The following NXN variants were observed in gnomAD, a reference collection of about 807,000 sequenced individuals.
NXN encodes nucleoredoxin 1.
A neutral mutation model predicts 48.6 loss-of-function variants in NXN; 16 were observed. That is an observed-to-expected ratio of 0.33 (90% CI 0.22 to 0.50). The LOEUF is 0.50. Ranked by LOEUF, NXN falls within the 20% of genes least tolerant of loss-of-function variation. The probability of loss-of-function intolerance (pLI) is 0.98; values close to 1 mark genes in which losing one functional copy is unlikely to be tolerated. For missense variants in NXN, 492 were observed against 605.5 expected, an observed-to-expected ratio of 0.81 and a Z score of 1.97; for synonymous variants, 281 against 269.6, an observed-to-expected ratio of 1.04 and a Z score of -0.41.
At position 958,100 on chromosome 17, in the gene NXN, C is replaced by T. The variant is rs1055492489; in HGVS notation, c.360+21219G>A. On this transcript the variant is annotated intron_variant, in intron 1 of 7. Coordinates refer to ENST00000336868, the MANE Select transcript of NXN (RefSeq NM_022463.5). This position sits in a 1 kb window ranked among gnomAD's most constrained non-coding sequence, Gnocchi z 6.9. ...GAACCCTCTCCGTCTCAACTTTCCC[C>T]TTCCTTCCCACACGGCTATTTATAT... is the stretch of plus-strand genomic sequence containing the variant. 6.6e-6 allele frequency among the ~76,000 whole-genome samples: 1 copy of T among 152,190 alleles called. No individual in the cohort carries two copies. Among genetic ancestry groups the T allele is most frequent in the Non-Finnish European group, 1.5e-5 (1 of 68,036 alleles).
At chr17:888,009 C>T (rs1350152325) in intron 1 of NXN, among the ~76,000 whole-genome samples, 1 of 152,090 alleles carries the variant, frequency 6.6e-6, no homozygotes, top group Non-Finnish European at 1.5e-5. Flanking sequence ...AACTGCCACA[C>T]GGGTCACGGT....
chr17:819,288 T>C, intron 5 of NXN, 151 bp downstream of exon 5: 1 of 696,808 alleles, frequency 1.4e-6, no homozygotes, highest in South Asian at 1.6e-5. Context: ...ATTCACACCA[T>C]GAAAATTCTA....
intron 1 of NXN, among the ~76,000 whole-genome samples, chr17:841,722 A>ACCACAGCGCAT (rs1914333027): frequency 6.6e-6 from 1 of 151,244 alleles, no homozygotes; most frequent in African/African-American, 2.5e-5. Context: ...GTCCACCCTG[A>ACCACAGCGCAT]CAAAGGAAAG....
intron 1 of NXN, among the ~76,000 whole-genome samples, chr17:834,856 A>G (rs1247368566): frequency 6.7e-6 from 1 of 149,700 alleles, no homozygotes; most frequent in Non-Finnish European, 1.5e-5. Context: ...GGGTTTCACC[A>G]TGTTGGCTGG....
At chr17:895,792 T>C in intron 1 of NXN, among the ~76,000 whole-genome samples, 1 of 3,062 alleles carries the variant, frequency 3.3e-4, no homozygotes, top group Non-Finnish European at 6.9e-4. Context: ...CACTCCAGCC[T>C]GGGTTTTGTT....
At chr17:968,618 T>A (rs566825189) in intron 1 of NXN, among the ~76,000 whole-genome samples, 1 of 152,000 alleles carries the variant, frequency 6.6e-6, no homozygotes, top group Non-Finnish European at 1.5e-5. Flanking sequence ...AATCAACAAC[T>A]GACAGACAAT....
intron 1 of NXN, among the ~76,000 whole-genome samples, chr17:862,636 C>T (rs560703215): frequency 6.6e-6 from 1 of 152,342 alleles, no homozygotes; most frequent in African/African-American, 2.4e-5. Context: ...AAGTATCACA[C>T]CACTTACTGC....
intron 1 of NXN, among the ~76,000 whole-genome samples, chr17:853,817 G>A (rs968996707): frequency 1.4e-4 from 21 of 149,458 alleles, no homozygotes; most frequent in African/African-American, 4.2e-4. Flanking sequence ...CTGCCTCCCC[G>A]GGTTCAAGTG....
rs560497457 is a variant in NXN, at chr17:969,522, C to T, written c.360+9797G>A. Among the ~76,000 whole-genome samples, 7 of 152,332 alleles carry T rather than the reference C, an allele frequency of 4.6e-5. No individual in the cohort carries two copies. The South Asian group carries it at 1.0e-3, about 23-fold the overall frequency. On this transcript the variant is annotated intron_variant, in intron 1 of 7. Transcript: ENST00000336868. ...AACGCTGCACTCACAGCTACATTCA[C>T]GCCTATTCGGGGCTCCGGCGGTCAC...
At chr17:946,671 C>G (rs773820274) in intron 1 of NXN, among the ~76,000 whole-genome samples, 4 of 152,220 alleles carry the variant, frequency 2.6e-5, no homozygotes, top group Non-Finnish European at 4.4e-5. Flanking sequence ...AGCCTCGGCG[C>G]CTCACAGGGA....
At chr17:864,104 G>A (rs1340393837) in intron 1 of NXN, 4 of 1,249,652 alleles carry the variant, frequency 3.2e-6, no homozygotes, top group South Asian at 3.3e-5. Context: ...CGGTGAAGGG[G>A]CACGTTTACC....
chr17:933,592 T>C (rs559565084), intron 1 of NXN, among the ~76,000 whole-genome samples: 2 of 151,854 alleles, frequency 1.3e-5, no homozygotes, highest in South Asian at 4.2e-4. Context: ...GCAAATTCCA[T>C]CCCTCTCAAC....
At position 823,648 on chromosome 17, in the gene NXN, T is replaced by C. The variant is rs764441690; in HGVS notation, c.596A>G (p.Tyr199Cys). ...SSLEGSHVGV[Y>C]FSAHWCPPCR... Reference sequence around the variant, plus strand: ...AACACTCACCCAATGTGCGGAGAAATAGACGCCCACGTGAGACCCCTCCAG... The same window carrying C: ...AACACTCACCCAATGTGCGGAGAAACAGACGCCCACGTGAGACCCCTCCAG... Residue 199 changes from tyrosine (Y) to cysteine (C), a missense_variant, in exon 3 of 8, where the codon TAT (tyrosine) becomes TGT (cysteine). Tyr to Cys is a radical substitution (Grantham distance 194). This residue lies in a region of NXN where 303 missense variants were observed against 388.3 expected (regional missense o/e 0.78). Transcript: ENST00000336868. The C allele has an allele frequency of 8.7e-6, 14 of 1,613,816 alleles. No individual in the cohort carries two copies. Among genetic ancestry groups the C allele is most frequent in the Admixed American group, 3.3e-5 (2 of 59,966 alleles).
Position 979,413 on chromosome 17 carries a change from A to G in NXN, c.266T>C (p.Val89Ala). 1 of 1,397,888 alleles carries G rather than the reference A, an allele frequency of 7.2e-7. No homozygotes were observed. Among genetic ancestry groups the G allele is most frequent in the Non-Finnish European group, 9.4e-7 (1 of 1,061,856 alleles). 86.6% of individuals were successfully genotyped at this position (1,397,888 alleles called of 1,614,324 possible). Residue 89 changes from valine to alanine, a missense_variant, in exon 1 of 8, where the codon GTC becomes GCC. This residue lies in a region of NXN where 186 missense variants were observed against 199.1 expected (regional missense o/e 0.93). Transcript: ENST00000336868. ...CTGGTCCTGGTCCGAGGACACGAAG[A>G]CGATCTCCAGGCGCCGCCGCGGCTC... ...EPEPRRRLEI[V>A]FVSSDQDQRQ...
intron 1 of NXN, among the ~76,000 whole-genome samples, chr17:946,321 A>G (rs1002350083): frequency 1.9e-4 from 29 of 152,148 alleles, no homozygotes; most frequent in Non-Finnish European, 3.2e-4. Flanking sequence ...GGCATCTGCT[A>G]TCGCACCCAG....
At chr17:884,290 AG>A (rs1490458634) in intron 1 of NXN, among the ~76,000 whole-genome samples, 1 of 150,878 alleles carries the variant, frequency 6.6e-6, no homozygotes, top group Non-Finnish European at 1.5e-5. Flanking sequence ...CTAGAGTCCT[AG>A]CTACTTGGGG....
At chr17:951,943 G>A (rs2069116076) in intron 1 of NXN, among the ~76,000 whole-genome samples, 1 of 152,196 alleles carries the variant, frequency 6.6e-6, no homozygotes, top group Non-Finnish European at 1.5e-5. Flanking sequence ...GGAAACCAGG[G>A]CCACGCAGCT....
chr17:815,321 T>A, intron 5 of NXN, among the ~76,000 whole-genome samples: 1 of 151,072 alleles, frequency 6.6e-6, no homozygotes, highest in East Asian at 2.0e-4. Flanking sequence ...ATCTGTATGA[T>A]GAGGGCGAGT....
intron 1 of NXN, among the ~76,000 whole-genome samples, chr17:936,492 GATT>G (rs1299604049): frequency 6.6e-6 from 1 of 151,668 alleles, no homozygotes; most frequent in Non-Finnish European, 1.5e-5. Context: ...CCAGCTCGAT[GATT>G]CTCTCCTTCC....
Sources: gnomAD v4.1 joint callset for allele counts (sites outside exome capture counted in the v4.1 genomes callset) on GRCh38, gnomAD v4.1.1 for gene constraint, gnomAD v4.1.1 regional missense constraint, Gnocchi (gnomAD v3.1) non-coding constraint, MANE v1.5 for transcripts, NCBI Gene and HGNC (gene_info 2026-07-23, HGNC 2026-07-21) for gene names.